SUN1: variants seen among roughly 807,000 people sequenced by gnomAD.
The protein encoded by SUN1 is SUN domain-containing protein 1.
In SUN1, 61 loss-of-function variants were observed where a neutral mutation model predicts 103.2. The observed-to-expected ratio is 0.59, with a 90% confidence interval of 0.48 to 0.73. SUN1 has a LOEUF of 0.73. Ranked by LOEUF, SUN1 falls within the 30% of genes least tolerant of loss-of-function variation. The pLI is 0.00. For missense variants in SUN1, 1,052 were observed against 1,034.6 expected (o/e 1.02, Z -0.23); for synonymous variants, 490 against 425.7 (o/e 1.15, Z -1.86).
At chr7:865,541 C>T (rs1835775335) in intron 15 of SUN1, among the ~76,000 whole-genome samples, 2 of 152,218 alleles carry the variant, frequency 1.3e-5, no homozygotes, top group Non-Finnish European at 2.9e-5. Flanking sequence ...AGCAGTGCTG[C>T]ACAAAGATAG....
At chr7:860,765 C>G (rs1831539206) in intron 14 of SUN1, among the ~76,000 whole-genome samples, 1 of 152,206 alleles carries the variant, frequency 6.6e-6, no homozygotes, top group African/African-American at 2.4e-5. Context: ...CTCACAGTTG[C>G]ACATGGCTGC....
Position 839,069 on chromosome 7 carries a change from G to A in SUN1, c.266+83G>A, listed in dbSNP as rs1270389875. On this transcript the variant is annotated intron_variant, in intron 2 of 18. Coordinates refer to ENST00000401592, the MANE Select transcript of SUN1 (RefSeq NM_001130965.3). ...TCCATACTTTTTGGTCTGTAAAGCC[G>A]CACCCTGTCTCGAGCTTAAGGATAT... The A allele has an allele frequency of 1.5e-5, 20 of 1,361,194 alleles. No individual in the cohort carries two copies. The East Asian group carries it at 2.5e-4, about 17-fold the overall frequency. 84.3% of individuals were successfully genotyped at this position (1,361,194 alleles called of 1,614,324 possible).
chr7:829,118 G>C (rs1328479064), upstream of SUN1, among the ~76,000 whole-genome samples: 1 of 152,240 alleles, frequency 6.6e-6, no homozygotes, highest in Non-Finnish European at 1.5e-5. Context: ...GTCAACTTCA[G>C]ATTCTTTCCA....
intron 13 of SUN1, among the ~76,000 whole-genome samples, chr7:859,905 G>A (rs1186996008): frequency 6.6e-6 from 1 of 152,100 alleles, no homozygotes; most frequent in Non-Finnish European, 1.5e-5. Context: ...CTAGGATGTG[G>A]GTCGCACACA....
chr7:840,964 G>A (rs925297720), intron 2 of SUN1, among the ~76,000 whole-genome samples: 1 of 149,136 alleles, frequency 6.7e-6, no homozygotes, highest in Non-Finnish European at 1.5e-5. Flanking sequence ...ACAGAGTTTC[G>A]CTTTTGTTGC....
chr7:846,078 T>A (rs1437513054), intron 5 of SUN1, among the ~76,000 whole-genome samples: 1 of 152,074 alleles, frequency 6.6e-6, no homozygotes. Context: ...GAGGTTAACT[T>A]TATTCTTTTT....
At chr7:857,688 A>T in intron 12 of SUN1, 140 bp from the exon 13 acceptor site, 1 of 1,112,382 alleles carries the variant, frequency 9.0e-7, no homozygotes. Flanking sequence ...TCCAGTTTCC[A>T]CGTTAGTGTG....
In SUN1 at chr7:873,355, C is replaced by T. The variant is rs12672563; in HGVS notation, c.*24C>T. On this transcript the variant is annotated 3_prime_UTR_variant, in exon 19 of 19. Coordinates refer to ENST00000401592, the MANE Select transcript of SUN1 (RefSeq NM_001130965.3). ...GAAGACACTACTCATTATTTTTGTA[C>T]ATTTTTGTATATACTGGGACAGCGT... The T allele has an allele frequency of 2.4e-3, 3,865 of 1,597,414 alleles. 158 individuals are homozygous for T. In the East Asian group the frequency reaches 0.077, roughly 32 times the overall value.
chr7:824,656 G>A (rs1195502718), intron 1 of SUN1, among the ~76,000 whole-genome samples: 8 of 152,078 alleles, frequency 5.3e-5, no homozygotes, highest in Non-Finnish European at 1.2e-4. Flanking sequence ...CGTGATCATC[G>A]GTCTTCTGGT....
At chr7:815,944 A>G (rs1780245996), upstream of SUN1, 1 of 205,016 alleles carries the variant, frequency 4.9e-6, no homozygotes, top group Non-Finnish European at 1.0e-5. Flanking sequence ...GCCCCGTCGG[A>G]AGTGGGGGCT....
rs373925818 is a variant in SUN1 at position 832,547 on chromosome 7, T to C, written c.23T>C (p.Met8Thr). The C allele has an allele frequency of 6.5e-5, 105 of 1,613,438 alleles. No individual in the cohort carries two copies. The highest frequency in any genetic ancestry group is 8.4e-5 in the Non-Finnish European group (99 of 1,179,712). MDFSRLH[M>T]YSPPQCVPEN... ...AACATGGATTTTTCTCGGCTTCACA[T>C]GTACAGTCCTCCCCAGTGTGTGCCG... is the stretch of plus-strand genomic sequence containing the variant. The change falls in exon 1 of 19, where the codon ATG becomes ACG. Residue 8 changes from methionine (M) to threonine (T), a missense_variant. Transcript: ENST00000401592.
Position 843,697 on chromosome 7 carries a change from T to A in SUN1, c.658+177T>A, listed in dbSNP as rs149091415. On this transcript the variant is annotated intron_variant, in intron 5 of 18. Coordinates refer to ENST00000401592, the MANE Select transcript of SUN1 (RefSeq NM_001130965.3). ...TTCCTGTCCTCTTCTAGTTTACATTTTATGTGGTTAGTAATTTTGTACCTA... is the reference window on the plus strand; with the variant it reads ...TTCCTGTCCTCTTCTAGTTTACATTATATGTGGTTAGTAATTTTGTACCTA... 2.4e-4 allele frequency: 348 copies of A among 1,443,584 alleles called. 4 individuals carry two copies. The East Asian group carries it at 8.7e-3, about 36-fold the overall frequency. 89.4% of individuals were successfully genotyped at this position (1,443,584 alleles called of 1,614,324 possible). A position where few individuals can be genotyped will look rare whatever the true frequency, so the allele number is the denominator to read the frequency against.
chr7:849,298 A>G (rs1461970609), intron 5 of SUN1, among the ~76,000 whole-genome samples: 1 of 152,176 alleles, frequency 6.6e-6, no homozygotes, highest in Non-Finnish European at 1.5e-5. Flanking sequence ...TTTGGGCCAC[A>G]CACACGATTC....
At chr7:857,483 G>A (rs917952624) in intron 12 of SUN1, among the ~76,000 whole-genome samples, 8 of 152,160 alleles carry the variant, frequency 5.3e-5, no homozygotes, top group African/African-American at 1.9e-4. Flanking sequence ...ACAAGCATGA[G>A]CCACCGCACC....
chr7:822,453 C>T (rs954110412), intron 1 of SUN1, among the ~76,000 whole-genome samples: 3 of 152,148 alleles, frequency 2.0e-5, no homozygotes, highest in Admixed American at 6.5e-5. Flanking sequence ...ATCCAGGTGC[C>T]GGGTTCCCTG....
chr7:856,493 GC>G (rs1266470045), intron 12 of SUN1, 92 bp downstream of exon 12: 5 of 1,477,054 alleles, frequency 3.4e-6, no homozygotes, highest in Non-Finnish European at 4.7e-6. Context: ...GGGACCCGGG[GC>G]CGGCCTCCCC....
At chr7:830,455 G>T (rs1796905468), upstream of SUN1, among the ~76,000 whole-genome samples, 4 of 152,234 alleles carry the variant, frequency 2.6e-5, no homozygotes, top group South Asian at 8.3e-4. Context: ...TAGAGAAAAT[G>T]ATAGATTCCG....
At chr7:853,299 C>A in intron 9 of SUN1, 110 bp from the exon 10 acceptor site, 2 of 1,250,530 alleles carry the variant, frequency 1.6e-6, no homozygotes, top group Non-Finnish European at 2.3e-6. Context: ...ATTCGTGTGC[C>A]GTGCGCCCCA....
intron 1 of SUN1, among the ~76,000 whole-genome samples, chr7:835,308 C>T (rs1315290738): frequency 6.6e-6 from 1 of 152,166 alleles, no homozygotes; most frequent in East Asian, 1.9e-4. Flanking sequence ...ACAGGGTGGG[C>T]CCGAACACTT....
Sources: gnomAD v4.1 joint callset for allele counts (sites outside exome capture counted in the v4.1 genomes callset) on GRCh38, gnomAD v4.1.1 for gene constraint, MANE v1.5 for transcripts, NCBI Gene and HGNC (gene_info 2026-07-23, HGNC 2026-07-21) for gene names.